The following RCN2 variants were observed in gnomAD, a reference collection of about 807,000 sequenced individuals.
RCN2 encodes the protein reticulocalbin-2.
RCN2 carries 23 observed loss-of-function variants against 37.5 expected under a neutral mutation model. The observed-to-expected ratio is 0.61, with a 90% CI of 0.44 to 0.87. The LOEUF is 0.87. Ranked by LOEUF, RCN2 falls within the 40% of genes least tolerant of loss-of-function variation. The pLI is 0.00. For missense variants in RCN2, 381 were observed against 390.4 expected (o/e 0.98, Z 0.20); for synonymous variants, 140 against 144.6 (o/e 0.97, Z 0.23).
chr15:76,932,075 G>A (rs2075225606), intron 1 of RCN2, 90 bp downstream of exon 1: 2 of 1,197,874 alleles, frequency 1.7e-6, no homozygotes, highest in Admixed American at 4.1e-5. Flanking sequence ...GCGGCCGGGC[G>A]AGGCCTGGCA....
intron 4 of RCN2, among the ~76,000 whole-genome samples, chr15:76,945,776 T>G (rs1180448848): frequency 6.6e-6 from 1 of 152,214 alleles, no homozygotes; most frequent in Non-Finnish European, 1.5e-5. Flanking sequence ...GCAGATACAT[T>G]TTTCTCCATA....
At chr15:76,941,851 C>G (rs1769640284) in intron 3 of RCN2, 1 of 437,840 alleles carries the variant, frequency 2.3e-6, no homozygotes, top group Non-Finnish European at 4.1e-6. Context: ...TCTCCTGAAA[C>G]ATGGACCTTT....
At chr15:76,933,005 T>C (rs1409544457) in intron 2 of RCN2, among the ~76,000 whole-genome samples, 3 of 152,134 alleles carry the variant, frequency 2.0e-5, no homozygotes, top group Admixed American at 6.5e-5. Flanking sequence ...AAGTGCCTTC[T>C]ACAAATAAGT....
At chr15:76,940,827 G>A (rs2075274140) in intron 3 of RCN2, among the ~76,000 whole-genome samples, 1 of 151,854 alleles carries the variant, frequency 6.6e-6, no homozygotes, top group Non-Finnish European at 1.5e-5. Flanking sequence ...CTCCCAAAGT[G>A]CTGAGATTAC....
intron 6 of RCN2, 145 bp downstream of exon 6, chr15:76,948,697 C>T (rs1568462103): frequency 1.4e-5 from 10 of 732,880 alleles, no homozygotes; most frequent in Admixed American, 3.4e-5. Flanking sequence ...TTTGAATTTA[C>T]GAACTGTTTA....
chr15:76,937,194 A>G (rs998452728), intron 3 of RCN2, among the ~76,000 whole-genome samples: 1 of 152,298 alleles, frequency 6.6e-6, no homozygotes. Flanking sequence ...GCTCTTAAAT[A>G]TGAAACTTTT....
At chr15:76,940,426 T>C (rs1426460700) in intron 3 of RCN2, among the ~76,000 whole-genome samples, 1 of 151,900 alleles carries the variant, frequency 6.6e-6, no homozygotes, top group African/African-American at 2.4e-5. Flanking sequence ...AGTTATAGAC[T>C]AAACACTATA....
intron 6 of RCN2, 74 bp downstream of exon 6, chr15:76,948,626 T>G: frequency 7.2e-7 from 1 of 1,396,504 alleles, no homozygotes; most frequent in Non-Finnish European, 9.6e-7. Flanking sequence ...GAAAAGAAGT[T>G]CAAAATCTTA....
chr15:76,941,770 T>C, intron 3 of RCN2: 1 of 751,852 alleles, frequency 1.3e-6, no homozygotes, highest in Non-Finnish European at 2.0e-6. Context: ...CTTTTTTTTT[T>C]TTTAAAGAAA....
chr15:76,938,736 G>C (rs557436138), intron 3 of RCN2: 3 of 455,842 alleles, frequency 6.6e-6, no homozygotes, highest in South Asian at 4.6e-5. Context: ...CATCAATGTG[G>C]AGGTTTGGGG....
chr15:76,949,316 CT>C lies in RCN2; in HGVS notation c.*96del. 3 of 866,752 alleles carry C rather than the reference CT, an allele frequency of 3.5e-6. No individual in the cohort carries two copies. The highest frequency in any genetic ancestry group is 4.9e-6 in the Non-Finnish European group (3 of 614,192). 53.7% of individuals were successfully genotyped at this position (866,752 alleles called of 1,614,324 possible). On this transcript the variant is annotated 3_prime_UTR_variant, in exon 7 of 7. Transcript: ENST00000394885. ...AAATATTGATGTTGTATTTTACACT[CT>C]TAAGTCTTAACCACAGTCAGAATTA...
At chr15:76,940,277 C>T (rs28644501) in intron 3 of RCN2, among the ~76,000 whole-genome samples, 3,302 of 149,094 alleles carry the variant, frequency 0.022, 111 homozygotes, top group African/African-American at 0.077. Flanking sequence ...CCAGTCTGGA[C>T]AACATAGTGA....
At position 76,949,245 on chromosome 15, in the gene RCN2, G is replaced by C. The variant is rs368850553; in HGVS notation, c.*23G>C. ...TAATCTCTGAGCCTGTCTCAGTAGA[G>C]TACTGGCTCCTTTTATAATTTGTTA... On this transcript the variant is annotated 3_prime_UTR_variant, in exon 7 of 7. Transcript: ENST00000394885. The C allele has an allele frequency of 1.4e-6, 2 of 1,462,222 alleles. No homozygotes were observed. Among genetic ancestry groups the C allele is most frequent in the Admixed American group, 4.8e-5 (2 of 41,598 alleles). 90.6% of individuals were successfully genotyped at this position (1,462,222 alleles called of 1,614,324 possible).
At chr15:76,942,757 C>G (rs2075280980) in intron 3 of RCN2, 2 of 152,176 alleles carry the variant, frequency 1.3e-5, no homozygotes, top group Admixed American at 6.6e-5. Context: ...GCCTGGGCAA[C>G]ATAGTGAAAC....
chr15:76,948,497 C>T lies in RCN2; in HGVS notation c.746C>T (p.Pro249Leu). The T allele has an allele frequency of 6.2e-7, 1 of 1,607,908 alleles. No homozygotes were observed. Among genetic ancestry groups the T allele is most frequent in the African/African-American group, 1.3e-5 (1 of 74,886 alleles). The change falls in exon 6 of 7, where the codon CCC becomes CTC. Residue 249 changes from proline to leucine, a missense_variant. Physicochemically the swap from Pro to Leu is moderately conservative, Grantham distance 98. Transcript: ENST00000394885. Reference sequence around the variant, plus strand: ...AAAGATAACGATGGCAGGCTTGATCCCCAAGAGCTGTTACCTTGGGTAGTA... The same window carrying T: ...AAAGATAACGATGGCAGGCTTGATCTCCAAGAGCTGTTACCTTGGGTAGTA... ...YDKDNDGRLD[P>L]QELLPWVVPN... is the part of the protein sequence containing the mutation.
chr15:76,936,852 T>C (rs2075252027), intron 3 of RCN2, among the ~76,000 whole-genome samples: 1 of 152,176 alleles, frequency 6.6e-6, no homozygotes, highest in African/African-American at 2.4e-5. Flanking sequence ...TAATATTAAG[T>C]ACATTCATGG....
In RCN2 at chr15:76,954,263, T is replaced by C. The variant is rs575889329; in HGVS notation, c.*5041T>C. On this transcript the variant is annotated 3_prime_UTR_variant, in exon 7 of 7. Transcript: ENST00000394885. The stretch of plus-strand genomic sequence containing the variant: ...CTCCTTTTGAGTGAGAAATGTCAAC[T>C]CAAACTTACACTTTTTCACTTAGGA... The C allele has an allele frequency of 9.2e-5, 14 of 152,158 alleles. No homozygotes were observed. Among genetic ancestry groups the C allele is most frequent in the Non-Finnish European group, 1.8e-4 (12 of 68,026 alleles). 9.4% of individuals were successfully genotyped at this position (152,158 alleles called of 1,614,324 possible). A position where few individuals can be genotyped will look rare whatever the true frequency, so the allele number is the denominator to read the frequency against.
At chr15:76,932,096 G>T in intron 1 of RCN2, 111 bp downstream of exon 1, 1 of 1,066,708 alleles carries the variant, frequency 9.4e-7, no homozygotes. Flanking sequence ...GGGGCGGCCT[G>T]ACAATGGGGG....
chr15:76,932,613 C>T (rs1012790409), intron 2 of RCN2, 147 bp downstream of exon 2: 4 of 629,712 alleles, frequency 6.4e-6, no homozygotes, highest in African/African-American at 5.5e-5. Context: ...TTTATACTTA[C>T]AAATCTTTAG....
Sources: allele counts gnomAD v4.1 joint callset (sites outside exome capture counted in the v4.1 genomes callset), GRCh38; gene constraint gnomAD v4.1.1; transcripts MANE v1.5; gene names NCBI Gene and HGNC (gene_info 2026-07-23, HGNC 2026-07-21).